The following CABP1 variants were observed in gnomAD, a reference collection of about 807,000 sequenced individuals.
CABP1 encodes the protein calcium-binding protein 1.
CABP1 carries 17 observed loss-of-function variants against 34.3 expected under a neutral mutation model. The ratio of observed to expected loss-of-function variants is 0.50; its 90% CI spans 0.34 to 0.74. The LOEUF is 0.74. CABP1 is among the 30% of genes least tolerant of loss of function. CABP1 has a pLI of 0.01. For missense variants in CABP1, 373 were observed against 511.1 expected (o/e 0.73, Z 2.61); for synonymous variants, 198 against 229.2 (o/e 0.86, Z 1.23).
downstream of CABP1, among the ~76,000 whole-genome samples, chr12:120,667,722 A>C (rs1056803687): frequency 1.3e-5 from 2 of 151,800 alleles, no homozygotes; most frequent in Admixed American, 6.6e-5. Context: ...TCCTGATCTC[A>C]AGGGATCTGC....
At chr12:120,655,006 G>A (rs73222789) in intron 1 of CABP1, among the ~76,000 whole-genome samples, 6,883 of 152,330 alleles carry the variant, frequency 0.045, 198 homozygotes, top group South Asian at 0.065. Flanking sequence ...GGCAGAGAGT[G>A]TCTAGTCTTG....
intron 1 of CABP1, among the ~76,000 whole-genome samples, chr12:120,657,680 C>T (rs1276724689): frequency 6.6e-6 from 1 of 152,200 alleles, no homozygotes; most frequent in African/African-American, 2.4e-5. Context: ...GATCCAAGGA[C>T]CAGCCATCAG....
Position 120,661,298 on chromosome 12 carries a change from C to A in CABP1, c.1087+80C>A. On this transcript the variant is annotated intron_variant, in intron 5 of 5. Transcript: ENST00000316803. This position sits in a 1 kb window ranked among gnomAD's most constrained non-coding sequence, Gnocchi z 5.1. ...GCCCTCCAATTGTGTATCCATCATG[C>A]AACCATCAATCCGCCCTAATTTTCC... is the stretch of plus-strand genomic sequence containing the variant. 6.6e-7 allele frequency: 1 copy of A among 1,507,288 alleles called. No homozygotes were observed. Among genetic ancestry groups the A allele is most frequent in the Admixed American group, 1.9e-5 (1 of 51,616 alleles). The allele number at this position is 1,507,288 out of a possible 1,614,324, so 93.4% of individuals were successfully genotyped here.
At position 120,661,909 on chromosome 12, in the gene CABP1, C is replaced by A. The variant is rs1252777967; in HGVS notation, c.1087+691C>A. The A allele has an allele frequency of 6.5e-6, 1 of 152,724 alleles. No homozygotes were observed. The highest frequency in any genetic ancestry group is 1.9e-4 in the East Asian group (1 of 5,204). The allele number at this position is 152,724 out of a possible 1,614,324, so 9.5% of individuals were successfully genotyped here. A position where few individuals can be genotyped will look rare whatever the true frequency, so the allele number is the denominator to read the frequency against. ...GCATCTATTCATTCTTCTCTACATTCACCCATGAATCTATCTATGTATTCA... is the reference window on the plus strand; with the variant it reads ...GCATCTATTCATTCTTCTCTACATTAACCCATGAATCTATCTATGTATTCA... On this transcript the variant is annotated intron_variant, in intron 5 of 5. Coordinates refer to ENST00000316803, the MANE Select transcript of CABP1 (RefSeq NM_001033677.2). This position sits in a 1 kb window ranked among gnomAD's most constrained non-coding sequence, Gnocchi z 5.1.
At chr12:120,655,638 G>A (rs1880132318) in intron 1 of CABP1, 5 of 1,401,316 alleles carry the variant, frequency 3.6e-6, no homozygotes, top group Non-Finnish European at 4.6e-6. Context: ...CTGTTTGGGA[G>A]CTGGGAGGAA....
chr12:120,679,245 C>T, the CABP1 span, among the ~76,000 whole-genome samples: 1 of 152,092 alleles, frequency 6.6e-6, no homozygotes. Context: ...TGACTAATGG[C>T]AGAGCTGTGA....
chr12:120,661,385 T>C lies in CABP1; in HGVS notation c.1087+167T>C. Reference sequence around the variant, plus strand: ...ATGCCCCCGTCTAATCCATCTCCCATCCCTTCCCCATGCATCTATTCATGC... The same window carrying C: ...ATGCCCCCGTCTAATCCATCTCCCACCCCTTCCCCATGCATCTATTCATGC... On this transcript the variant is annotated intron_variant, in intron 5 of 5. Transcript: ENST00000316803. This position sits in a 1 kb window ranked among gnomAD's most constrained non-coding sequence, Gnocchi z 5.1. The C allele has an allele frequency of 1.5e-6, 1 of 656,736 alleles. No homozygotes were observed. The highest frequency in any genetic ancestry group is 2.5e-6 in the Non-Finnish European group (1 of 393,336). The allele number at this position is 656,736 out of a possible 1,614,324, so 40.7% of individuals were successfully genotyped here.
intron 1 of CABP1, among the ~76,000 whole-genome samples, chr12:120,656,447 A>ATG (rs1880228916): frequency 6.6e-6 from 1 of 151,338 alleles, no homozygotes; most frequent in Non-Finnish European, 1.5e-5. Context: ...CGAGCAAAAT[A>ATG]ATGATGATGA....
chr12:120,667,138 A>G lies in CABP1; in HGVS notation c.*238A>G. 1.7e-6 allele frequency: 1 copy of G among 586,246 alleles called. No individual in the cohort carries two copies. The highest frequency in any genetic ancestry group is 1.9e-5 in the African/African-American group (1 of 52,686). 36.3% of individuals were successfully genotyped at this position (586,246 alleles called of 1,614,324 possible). On this transcript the variant is annotated 3_prime_UTR_variant, in exon 6 of 6. Transcript: ENST00000316803. ...GAGGAGGCCACCGTGCCAAGCCGGC[A>G]GAGGTCATGCCAGGCGCCAAGGGCC... is the stretch of plus-strand genomic sequence containing the variant.
chr12:120,679,835 G>GA, the CABP1 span, among the ~76,000 whole-genome samples: 536 of 149,618 alleles, frequency 3.6e-3, 2 homozygotes, highest in African/African-American at 0.012. Flanking sequence ...CTCAAAGCAA[G>GA]AAAAAAAAAG....
chr12:120,650,845 C>T (rs1457750746), intron 1 of CABP1, among the ~76,000 whole-genome samples: 5 of 152,044 alleles, frequency 3.3e-5, no homozygotes, highest in Non-Finnish European at 5.9e-5. Flanking sequence ...CTCCTATTGC[C>T]GTTTTCTGTG....
chr12:120,659,774 C>G (rs1880505722), intron 1 of CABP1, 104 bp from the exon 2 acceptor site: 8 of 1,026,156 alleles, frequency 7.8e-6, no homozygotes, highest in Non-Finnish European at 9.1e-6. Flanking sequence ...ATCCTCGTCA[C>G]CTCCTACCCA....
At position 120,667,125 on chromosome 12, in the gene CABP1, G is replaced by A. The variant is rs1486074359; in HGVS notation, c.*225G>A. Reference sequence around the variant, plus strand: ...GGCGCCCGCCGACGAGGAGGCCACCGTGCCAAGCCGGCAGAGGTCATGCCA... The same window carrying A: ...GGCGCCCGCCGACGAGGAGGCCACCATGCCAAGCCGGCAGAGGTCATGCCA... On this transcript the variant is annotated 3_prime_UTR_variant, in exon 6 of 6. Transcript: ENST00000316803. The A allele has an allele frequency of 1.4e-5, 8 of 579,902 alleles. No individual in the cohort carries two copies. Among genetic ancestry groups the A allele is most frequent in the Admixed American group, 6.2e-5 (2 of 32,318 alleles). The allele number at this position is 579,902 out of a possible 1,614,324, so 35.9% of individuals were successfully genotyped here. A position where few individuals can be genotyped will look rare whatever the true frequency, so the allele number is the denominator to read the frequency against.
downstream of CABP1, among the ~76,000 whole-genome samples, chr12:120,667,678 G>A (rs1881091111): frequency 6.6e-6 from 1 of 152,082 alleles, no homozygotes; most frequent in Admixed American, 6.6e-5. Flanking sequence ...TAGTAGAGAT[G>A]GGGTTTCACA....
At chr12:120,677,921 T>C in the CABP1 span, among the ~76,000 whole-genome samples, 3 of 152,186 alleles carry the variant, frequency 2.0e-5, no homozygotes, top group Non-Finnish European at 4.4e-5. Context: ...TTGGGGGACA[T>C]GAAGACACAC....
At chr12:120,672,662 A>G in the CABP1 span, among the ~76,000 whole-genome samples, 2 of 151,176 alleles carry the variant, frequency 1.3e-5, no homozygotes, top group Admixed American at 6.6e-5. Flanking sequence ...ATCGTGTTTT[A>G]AAAAGTGGGC....
At chr12:120,648,879 TAAA>T (rs1049534093) in intron 1 of CABP1, among the ~76,000 whole-genome samples, 3 of 123,276 alleles carry the variant, frequency 2.4e-5, no homozygotes, top group Admixed American at 8.4e-5. Flanking sequence ...AGACACTGTC[TAAA>T]AAAAAAAAAA....
At position 120,661,177 on chromosome 12, in the gene CABP1, G is replaced by A. The variant is rs776503036; in HGVS notation, c.1046G>A (p.Arg349Gln). 1 of 1,612,276 alleles carries A rather than the reference G, an allele frequency of 6.2e-7. No individual in the cohort carries two copies. Residue 349 changes from arginine (R) to glutamine (Q), a missense_variant, in exon 5 of 6, where the codon CGA becomes CAA. By Grantham distance (43) the Arg-to-Gln change is conservative. This residue lies in a region of CABP1 where 109 missense variants were observed against 204.8 expected (regional missense o/e 0.53). Coordinates refer to ENST00000316803, the MANE Select transcript of CABP1 (RefSeq NM_001033677.2). This position sits in a 1 kb window ranked among gnomAD's most constrained non-coding sequence, Gnocchi z 5.1. ...VGHRDIEEIIRDVDLNGDGRV... is the reference protein window; with the variant it reads ...VGHRDIEEIIQDVDLNGDGRV... ...CACCGAGACATAGAGGAAATTATCC[G>A]AGATGTGGACCTCAATGGGGATGGA...
chr12:120,643,895 C>G (rs969781094), intron 1 of CABP1, among the ~76,000 whole-genome samples: 1 of 152,234 alleles, frequency 6.6e-6, no homozygotes, highest in Admixed American at 6.5e-5. Flanking sequence ...GATTAACTAC[C>G]AAGGCCTTCT....
Sources: allele counts gnomAD v4.1 joint callset (sites outside exome capture counted in the v4.1 genomes callset), GRCh38; gene constraint gnomAD v4.1.1; regional missense constraint gnomAD v4.1.1; non-coding constraint Gnocchi (gnomAD v3.1); transcripts MANE v1.5; gene names NCBI Gene and HGNC (gene_info 2026-07-23, HGNC 2026-07-21).